The following PBX3 variants were observed in gnomAD, a reference collection of about 807,000 sequenced individuals.
PBX3 encodes PBX homeobox 3, also known as pre-B-cell leukemia transcription factor 3.
PBX3 carries 14 observed loss-of-function variants against 48.5 expected under a neutral mutation model. The ratio of observed to expected loss-of-function variants is 0.29; its 90% CI spans 0.19 to 0.45. The LOEUF (loss-of-function observed/expected upper bound fraction) is 0.45. PBX3 is among the 20% of genes least tolerant of loss of function. PBX3 has a pLI of 1.00. For missense variants in PBX3, 386 were observed against 546.7 expected, an observed-to-expected ratio of 0.71 and a Z score of 2.93; for synonymous variants, 210 against 200.3, an observed-to-expected ratio of 1.05 and a Z score of -0.41.
chr9:125,855,530 A>G (rs1404495543), intron 2 of PBX3, among the ~76,000 whole-genome samples: 1 of 152,110 alleles, frequency 6.6e-6, no homozygotes, highest in Non-Finnish European at 1.5e-5. Context: ...TTCTTTTTAA[A>G]AAAATTCCTT....
chr9:125,814,343 C>T (rs2132136588), intron 2 of PBX3, among the ~76,000 whole-genome samples: 1 of 150,410 alleles, frequency 6.6e-6, no homozygotes, highest in South Asian at 2.1e-4. Flanking sequence ...TGTTCCATCT[C>T]TTTTTTTTTG....
chr9:125,836,069 C>G (rs757891865), intron 2 of PBX3, among the ~76,000 whole-genome samples: 11 of 152,040 alleles, frequency 7.2e-5, no homozygotes, highest in Non-Finnish European at 1.3e-4. Flanking sequence ...ATGGATGGAA[C>G]GAGAGGACAT....
chr9:125,890,430 T>C (rs1328337713), intron 2 of PBX3, among the ~76,000 whole-genome samples: 4 of 152,240 alleles, frequency 2.6e-5, no homozygotes, highest in Admixed American at 2.6e-4. Flanking sequence ...AAACATTTTT[T>C]GAGTACCTAC....
At position 125,955,094 on chromosome 9, in the gene PBX3, A is replaced by G. The variant is rs150177207; in HGVS notation, c.844-5590A>G. On this transcript the variant is annotated intron_variant, in intron 5 of 8. Transcript: ENST00000373489. ...TTAGGGGGAATTTTGCACAGCAAAA[A>G]TGTGCAGACCAATGACCCTGGACAG... 2.4e-3 allele frequency among the ~76,000 whole-genome samples: 363 copies of G among 152,280 alleles called. 3 individuals are homozygous for G. Among genetic ancestry groups the G allele is most frequent in the African/African-American group, 8.5e-3 (353 of 41,564 alleles).
intron 2 of PBX3, among the ~76,000 whole-genome samples, chr9:125,774,420 G>A (rs1164224711): frequency 6.6e-6 from 1 of 152,076 alleles, no homozygotes; most frequent in Non-Finnish European, 1.5e-5. Flanking sequence ...CTTTCTCCCA[G>A]CCCCTGGCAA....
intron 2 of PBX3, among the ~76,000 whole-genome samples, chr9:125,800,717 T>C (rs1183526454): frequency 6.6e-6 from 1 of 151,950 alleles, no homozygotes; most frequent in Non-Finnish European, 1.5e-5. Flanking sequence ...TTAAAGGTTT[T>C]AGGAGGAACA....
chr9:125,895,719 T>C (rs532616245), intron 2 of PBX3, among the ~76,000 whole-genome samples: 4 of 152,036 alleles, frequency 2.6e-5, no homozygotes, highest in South Asian at 2.1e-4. Flanking sequence ...TTATTACTTT[T>C]CTATTTTATT....
chr9:125,850,180 T>C (rs1377438278), intron 2 of PBX3, among the ~76,000 whole-genome samples: 2 of 152,076 alleles, frequency 1.3e-5, no homozygotes, highest in African/African-American at 4.8e-5. Flanking sequence ...TAAATTTTAC[T>C]AACAGAAATA....
intron 2 of PBX3, among the ~76,000 whole-genome samples, chr9:125,788,845 A>C (rs1268082052): frequency 6.6e-6 from 1 of 151,874 alleles, no homozygotes; most frequent in Non-Finnish European, 1.5e-5. Context: ...ACTGCACCCC[A>C]GCCTGGGCGA....
At chr9:125,774,825 A>G (rs994771383) in intron 2 of PBX3, among the ~76,000 whole-genome samples, 9 of 151,386 alleles carry the variant, frequency 5.9e-5, no homozygotes, top group Non-Finnish European at 1.2e-4. Context: ...AATTTTCCAT[A>G]GTAGGTCTAT....
chr9:125,835,998 C>T, intron 2 of PBX3, among the ~76,000 whole-genome samples: 1 of 152,164 alleles, frequency 6.6e-6, no homozygotes, highest in Admixed American at 6.5e-5. Context: ...TATATTAATA[C>T]ATAGTGGAAT....
intron 2 of PBX3, among the ~76,000 whole-genome samples, chr9:125,854,504 C>T (rs1355253944): frequency 6.6e-6 from 1 of 152,252 alleles, no homozygotes; most frequent in Non-Finnish European, 1.5e-5. Context: ...AATTGCCCTT[C>T]AAATTGTATT....
At chr9:125,799,996 A>T (rs1837892066) in intron 2 of PBX3, among the ~76,000 whole-genome samples, 1 of 152,236 alleles carries the variant, frequency 6.6e-6, no homozygotes, top group Non-Finnish European at 1.5e-5. Flanking sequence ...AGCAATGCTT[A>T]TTATTGTAAT....
intron 1 of PBX3, chr9:125,748,285 G>A (rs1588111673): frequency 2.8e-6 from 3 of 1,078,432 alleles, no homozygotes; most frequent in East Asian, 6.7e-5. Flanking sequence ...GAGGCTCCCC[G>A]CGCGGGTTCG....
intron 5 of PBX3, among the ~76,000 whole-genome samples, chr9:125,946,723 G>T (rs540122973): frequency 2.0e-4 from 31 of 152,250 alleles, no homozygotes; most frequent in Admixed American, 1.4e-3. Context: ...AGGAGACATA[G>T]AGGATACAGT....
At chr9:125,927,684 A>G (rs991157946) in intron 3 of PBX3, among the ~76,000 whole-genome samples, 10 of 152,174 alleles carry the variant, frequency 6.6e-5, no homozygotes, top group African/African-American at 2.2e-4. Context: ...CTGATGCTTT[A>G]TTTACCAGGC....
At chr9:125,852,485 A>T (rs1378392940) in intron 2 of PBX3, among the ~76,000 whole-genome samples, 3 of 152,190 alleles carry the variant, frequency 2.0e-5, no homozygotes, top group African/African-American at 7.2e-5. Flanking sequence ...AAAGCTGGGC[A>T]ATTTGGCTTT....
chr9:125,938,134 C>T (rs952195948), intron 5 of PBX3, among the ~76,000 whole-genome samples: 9 of 152,196 alleles, frequency 5.9e-5, no homozygotes, highest in Admixed American at 3.9e-4. Context: ...ATATATGAAA[C>T]TCTGATCTAT....
At chr9:125,794,256 C>T (rs1837712108) in intron 2 of PBX3, among the ~76,000 whole-genome samples, 2 of 152,162 alleles carry the variant, frequency 1.3e-5, no homozygotes, top group East Asian at 3.8e-4. Flanking sequence ...GCAGCATGGC[C>T]ATCACCTGGG....
Sources: allele counts gnomAD v4.1 joint callset (sites outside exome capture counted in the v4.1 genomes callset), GRCh38; gene constraint gnomAD v4.1.1; transcripts MANE v1.5; gene names NCBI Gene and HGNC (gene_info 2026-07-23, HGNC 2026-07-21).